Variants in RERG observed in about 807,000 individuals in gnomAD.
RERG encodes ras-related and estrogen-regulated growth inhibitor.
In RERG, 25 loss-of-function variants were observed where a neutral mutation model predicts 23.2. That is an observed-to-expected ratio of 1.08 (90% CI 0.79 to 1.50). The LOEUF (loss-of-function observed/expected upper bound fraction) is 1.50, where lower values mean the gene tolerates loss of function less well. Ranked by LOEUF, RERG falls within the 40% of genes most tolerant of loss-of-function variation. The pLI is 0.00. For missense variants in RERG, 253 were observed against 250.1 expected, an observed-to-expected ratio of 1.01 and a Z score of -0.08; for synonymous variants, 81 against 89.1, an observed-to-expected ratio of 0.91 and a Z score of 0.51.
chr12:15,208,004 G>A (rs1865316093), intron 2 of RERG, among the ~76,000 whole-genome samples: 1 of 152,168 alleles, frequency 6.6e-6, no homozygotes, highest in Non-Finnish European at 1.5e-5. Flanking sequence ...TAAGGGTTTT[G>A]TCGATGTAGT....
intron 2 of RERG, among the ~76,000 whole-genome samples, chr12:15,131,872 C>T (rs1336806048): frequency 6.6e-6 from 1 of 152,084 alleles, no homozygotes; most frequent in Non-Finnish European, 1.5e-5. Context: ...ATTTGCAGAC[C>T]AAACACCACT....
chr12:15,189,397 A>G (rs902264162), intron 2 of RERG, among the ~76,000 whole-genome samples: 6 of 152,064 alleles, frequency 3.9e-5, no homozygotes, highest in African/African-American at 1.4e-4. Flanking sequence ...CCTAAAATAC[A>G]TTTGTCCATA....
chr12:15,216,301 G>A (rs1865439802), intron 2 of RERG, among the ~76,000 whole-genome samples: 1 of 152,186 alleles, frequency 6.6e-6, no homozygotes, highest in Non-Finnish European at 1.5e-5. Flanking sequence ...TGTGGTTTCT[G>A]CCAGAGGCAA....
chr12:15,221,087 C>G (rs1565542006), intron 1 of RERG, 108 bp downstream of exon 1: 1 of 152,222 alleles, frequency 6.6e-6, no homozygotes, highest in African/African-American at 2.4e-5. Context: ...GGGAGGAGAA[C>G]CCGGTGACCA....
chr12:15,161,210 GAAAGAAAGAA>G (rs1864608204), intron 2 of RERG, among the ~76,000 whole-genome samples: 1 of 141,224 alleles, frequency 7.1e-6, no homozygotes, highest in Non-Finnish European at 1.6e-5. Flanking sequence ...AAGAAAGAAA[GAAAGAAAGAA>G]AGAAAGAAAC....
chr12:15,118,399 G>A lies in RERG; in HGVS notation c.118+2664C>T, dbSNP rs1029500686. Among the ~76,000 whole-genome samples the A allele has an allele frequency of 8.5e-5, 13 of 152,208 alleles. No individual in the cohort carries two copies. The East Asian group carries it at 1.7e-3, about 20-fold the overall frequency. On this transcript the variant is annotated intron_variant, in intron 3 of 4. Transcript: ENST00000256953. ...CAGGTTTAAAAAAAAACTGCCCCAT[G>A]TTTCTCAGGAAAGCACTGACTTCAG...
At chr12:15,132,350 C>T (rs573786698) in intron 2 of RERG, among the ~76,000 whole-genome samples, 1 of 152,306 alleles carries the variant, frequency 6.6e-6, no homozygotes, top group South Asian at 2.1e-4. Flanking sequence ...ATTTAAGGTT[C>T]ATCCATGCCA....
Position 15,107,841 on chromosome 12 carries a change from T to A in RERG, c.*1269A>T, listed in dbSNP as rs547230073. On this transcript the variant is annotated 3_prime_UTR_variant, in exon 5 of 5. Coordinates refer to ENST00000256953, the MANE Select transcript of RERG (RefSeq NM_032918.3). ...GTCACATAAAATAAAGTCAGTTACA[T>A]CAAGTTGTCCAAATGCATTGGTGAA... The A allele has an allele frequency of 6.5e-6, 1 of 152,702 alleles. No homozygotes were observed. Among genetic ancestry groups the A allele is most frequent in the East Asian group, 1.9e-4 (1 of 5,190 alleles). 9.5% of individuals were successfully genotyped at this position (152,702 alleles called of 1,614,324 possible).
rs183624507 is a variant in RERG, at chr12:15,134,162, A to G, written c.62-13043T>C. 2.9e-3 allele frequency among the ~76,000 whole-genome samples: 443 copies of G among 151,824 alleles called. 1 individual carries two copies. The highest frequency in any genetic ancestry group is 0.01 in the African/African-American group (418 of 41,146). On this transcript the variant is annotated intron_variant, in intron 2 of 4. Transcript: ENST00000256953. ...TTACTTTGTGTTGTATAAAAAAGTC[A>G]CCACCATACCCAAGGTCACACAGAT...
At chr12:15,118,843 T>G (rs1005362409) in intron 3 of RERG, among the ~76,000 whole-genome samples, 28 of 152,100 alleles carry the variant, frequency 1.8e-4, no homozygotes, top group African/African-American at 6.0e-4. Flanking sequence ...TGCAGAACCA[T>G]GAGCCAATTA....
At chr12:15,161,159 AAAG>A (rs1864602177) in intron 2 of RERG, among the ~76,000 whole-genome samples, 2 of 122,840 alleles carry the variant, frequency 1.6e-5, no homozygotes, top group Admixed American at 8.7e-5. Flanking sequence ...AGAAAGAAAG[AAAG>A]AAAGAAAGAA....
At chr12:15,161,218 GAAAGAAAGAAAC>G (rs1487485439) in intron 2 of RERG, among the ~76,000 whole-genome samples, 1,740 of 125,792 alleles carry the variant, frequency 0.014, 54 homozygotes, top group East Asian at 0.023. Context: ...AAGAAAGAAA[GAAAGAAAGAAAC>G]AGGGGCATCA....
rs553628032 is a variant in RERG, at chr12:15,182,926, C to T, written c.61+34503G>A. On this transcript the variant is annotated intron_variant, in intron 2 of 4. Transcript: ENST00000256953. ...CTTGTTTCTACAAAAAAAATTAAAA[C>T]ATTAGCTGGGCATGGTGGTGTGTGC... is the stretch of plus-strand genomic sequence containing the variant. 3.9e-5 allele frequency among the ~76,000 whole-genome samples: 6 copies of T among 151,946 alleles called. No homozygotes were observed. In the South Asian group the frequency reaches 1.2e-3, roughly 32 times the overall value.
At chr12:15,122,789 T>G (rs556763060) in intron 2 of RERG, among the ~76,000 whole-genome samples, 5 of 146,972 alleles carry the variant, frequency 3.4e-5, no homozygotes, top group East Asian at 2.0e-4. Context: ...TACGTAGTTG[T>G]TTTTTTTTTT....
intron 2 of RERG, among the ~76,000 whole-genome samples, chr12:15,195,102 A>G (rs1483175846): frequency 6.6e-6 from 1 of 152,160 alleles, no homozygotes; most frequent in East Asian, 1.9e-4. Flanking sequence ...TGGCTTGAAT[A>G]AAGCCCTTCT....
At chr12:15,216,737 GT>G (rs1865445357) in intron 2 of RERG, among the ~76,000 whole-genome samples, 1 of 152,220 alleles carries the variant, frequency 6.6e-6, no homozygotes, top group African/African-American at 2.4e-5. Flanking sequence ...GATCGAAGAT[GT>G]ATTTTTCAAA....
chr12:15,154,008 G>A (rs1231379498), intron 2 of RERG, among the ~76,000 whole-genome samples: 8 of 152,048 alleles, frequency 5.3e-5, no homozygotes, highest in South Asian at 2.1e-4. Flanking sequence ...AGCCAAGGAC[G>A]GCCTGAGGTT....
At chr12:15,127,586 A>G (rs1863971323) in intron 2 of RERG, among the ~76,000 whole-genome samples, 1 of 152,024 alleles carries the variant, frequency 6.6e-6, no homozygotes, top group Non-Finnish European at 1.5e-5. Flanking sequence ...TTTAACTCCA[A>G]CTCTTAAGTG....
At chr12:15,137,923 G>GT (rs1446352910) in intron 2 of RERG, 7 of 415,600 alleles carry the variant, frequency 1.7e-5, no homozygotes, top group Non-Finnish European at 3.4e-5. Flanking sequence ...AGAATGTATC[G>GT]TATCATTTTT....
Sources: allele counts gnomAD v4.1 joint callset (sites outside exome capture counted in the v4.1 genomes callset), GRCh38; gene constraint gnomAD v4.1.1; transcripts MANE v1.5; gene names NCBI Gene and HGNC (gene_info 2026-07-23, HGNC 2026-07-21).